CUBN: variants seen among roughly 807,000 people sequenced by gnomAD.
CUBN encodes cubilin.
CUBN carries 282 observed loss-of-function variants against 405.3 expected under a neutral mutation model. The ratio of observed to expected loss-of-function variants is 0.70; its 90% CI spans 0.63 to 0.77. The LOEUF is 0.77. Among genes scored for constraint, CUBN ranks in the 30% least tolerant of loss-of-function variants. CUBN has a pLI of 0.00. For missense variants in CUBN, 4,514 were observed against 4,475.2 expected (o/e 1.01, Z -0.25); for synonymous variants, 1,684 against 1,617.0 (o/e 1.04, Z -0.99).
intron 54 of CUBN, among the ~76,000 whole-genome samples, chr10:16,892,510 T>C (rs532068266): frequency 2.0e-5 from 3 of 152,178 alleles, no homozygotes; most frequent in African/African-American, 7.2e-5. Context: ...ATATGTATTT[T>C]TTTGAGACAG....
Position 16,907,654 on chromosome 10 carries a change from G to A in CUBN, c.7559C>T (p.Ser2520Leu), listed in dbSNP as rs2131438965. The A allele has an allele frequency of 2.5e-6, 4 of 1,612,350 alleles. No homozygotes were observed. The highest frequency in any genetic ancestry group is 3.4e-6 in the Non-Finnish European group (4 of 1,179,942). ...VIVFNGIRSNSPQLEKLCSSV... is the reference protein window; with the variant it reads ...VIVFNGIRSNLPQLEKLCSSV... Reference sequence around the variant, plus strand: ...ACTACACAGTTTCTCTAGCTGGGGTGAGTTACTTCTAATGCCATTGAATAC... The same window carrying A: ...ACTACACAGTTTCTCTAGCTGGGGTAAGTTACTTCTAATGCCATTGAATAC... Residue 2520 changes from serine (S) to leucine (L), a missense_variant, in exon 49 of 67, where the codon TCA becomes TTA. By Grantham distance (145) the Ser-to-Leu change is moderately radical (BLOSUM62 -2). Around this residue, in one of 5 missense-constraint regions of CUBN, gnomAD observed 1,613 missense variants for 1,542.8 expected, o/e 1.05. Coordinates refer to ENST00000377833, the MANE Select transcript of CUBN (RefSeq NM_001081.4).
chr10:16,846,647 A>C (rs1839516411), intron 60 of CUBN, among the ~76,000 whole-genome samples: 1 of 152,060 alleles, frequency 6.6e-6, no homozygotes. Context: ...CCCCGTCTCT[A>C]CTAAAAATAC....
In CUBN at chr10:17,114,115, G is replaced by A. The variant is rs777864127; in HGVS notation, c.795C>T (p.Asp265=). ...PNSPACTLDR[D]ECSFQPGPCS... ...AAGGCCCGGGCTGGAAGCTGCACTC[G>A]TCTCTGTCCAGCGTGCAGGCAGGGC... The change falls in exon 8 of 67, where the codon GAC becomes GAT. Residue 265 remains aspartate, a synonymous_variant. Coordinates refer to ENST00000377833, the MANE Select transcript of CUBN (RefSeq NM_001081.4). 12 of 1,613,434 alleles carry A rather than the reference G, an allele frequency of 7.4e-6. No homozygotes were observed. The highest frequency in any genetic ancestry group is 4.0e-5 in the African/African-American group (3 of 74,906).
chr10:16,841,451 G>C (rs370536230), intron 60 of CUBN, among the ~76,000 whole-genome samples: 9 of 152,104 alleles, frequency 5.9e-5, no homozygotes, highest in African/African-American at 2.2e-4. Flanking sequence ...AAATGTCATC[G>C]AGAGGATACT....
intron 31 of CUBN, among the ~76,000 whole-genome samples, chr10:16,964,983 T>C (rs1406792644): frequency 2.0e-5 from 3 of 152,220 alleles, no homozygotes; most frequent in Non-Finnish European, 4.4e-5. Context: ...GTCCCTCTCA[T>C]TTCTCCCTTA....
At chr10:16,839,839 G>A (rs142675726) in intron 62 of CUBN, among the ~76,000 whole-genome samples, 2,225 of 152,010 alleles carry the variant, frequency 0.015, 60 homozygotes, top group African/African-American at 0.05. Flanking sequence ...ATGATAGACC[G>A]GATTAAGAAA....
intron 28 of CUBN, among the ~76,000 whole-genome samples, chr10:17,006,134 T>C (rs1049341100): frequency 3.3e-5 from 5 of 152,170 alleles, no homozygotes; most frequent in Non-Finnish European, 5.9e-5. Context: ...TCCCAATCTG[T>C]GGCATTTTTG....
chr10:16,967,920 A>G (rs1843446598), intron 31 of CUBN, among the ~76,000 whole-genome samples: 1 of 147,198 alleles, frequency 6.8e-6, no homozygotes, highest in African/African-American at 2.5e-5. Flanking sequence ...GGAAAGAGGA[A>G]GAGAGGGAGA....
intron 28 of CUBN, among the ~76,000 whole-genome samples, chr10:17,002,111 T>A (rs1372659467): frequency 6.6e-6 from 1 of 152,172 alleles, no homozygotes; most frequent in Non-Finnish European, 1.5e-5. Flanking sequence ...AACATTTAAG[T>A]CAATGGTCGA....
chr10:17,061,247 T>C (rs1477374753), intron 22 of CUBN, among the ~76,000 whole-genome samples: 3 of 152,180 alleles, frequency 2.0e-5, no homozygotes, highest in Admixed American at 6.5e-5. Flanking sequence ...GTATCTCCCT[T>C]GTAATTCTAC....
At chr10:17,100,310 T>G (rs189265845) in intron 13 of CUBN, 71 bp from the exon 14 acceptor site, 2 of 1,039,160 alleles carry the variant, frequency 1.9e-6, no homozygotes, top group African/African-American at 3.2e-5. Context: ...TCCCACTTCC[T>G]AGGCAGCATT....
intron 27 of CUBN, chr10:17,023,636 T>C (rs1834568554): frequency 4.4e-6 from 2 of 455,816 alleles, no homozygotes; most frequent in South Asian, 1.5e-5. Context: ...CTGTGACTCA[T>C]TGCAACTACT....
Position 17,115,532 on chromosome 10 carries a change from C to T in CUBN, c.659G>A (p.Gly220Asp). ...GCCATGGACACAGCGTGCCACAGAA[C>T]CCCCTTCACAGTCGTCATATTTGGA... ...CASKYDDCEGGSVARCVHGIC... is the reference protein window; with the variant it reads ...CASKYDDCEGDSVARCVHGIC... Residue 220 changes from glycine to aspartate, a missense_variant, in exon 7 of 67, where the codon GGT (glycine) becomes GAT (aspartate). Physicochemically the swap from Gly to Asp is moderately conservative, Grantham distance 94. This residue lies in a region of CUBN where 1,448 missense variants were observed against 1,388.0 expected (regional missense o/e 1.04). Coordinates refer to ENST00000377833, the MANE Select transcript of CUBN (RefSeq NM_001081.4). 2 of 1,614,172 alleles carry T rather than the reference C, an allele frequency of 1.2e-6. No individual in the cohort carries two copies. The highest frequency in any genetic ancestry group is 1.7e-6 in the Non-Finnish European group (2 of 1,180,018).
intron 37 of CUBN, 89 bp from the exon 38 acceptor site, chr10:16,939,236 A>C: frequency 9.7e-7 from 1 of 1,028,460 alleles, no homozygotes; most frequent in Non-Finnish European, 1.5e-6. Context: ...GGTGTTGAAA[A>C]GGATGGACTT....
intron 22 of CUBN, among the ~76,000 whole-genome samples, chr10:17,064,468 G>C (rs11254353): frequency 0.043 from 6,596 of 152,196 alleles, 467 homozygotes; most frequent in African/African-American, 0.15. Flanking sequence ...CATAGGAAAA[G>C]CTACCAGTTC....
intron 63 of CUBN, among the ~76,000 whole-genome samples, chr10:16,835,629 T>TA (rs1025253805): frequency 2.0e-4 from 30 of 146,966 alleles, no homozygotes; most frequent in African/African-American, 2.7e-4. Context: ...TTTTTTTTGG[T>TA]AAAAAAATAC....
Position 16,877,036 on chromosome 10 carries a change from G to C in CUBN, c.8967C>G (p.Ser2989Arg). Reference protein sequence around the residue: ...NDGVHIIRGYSVMSTPFATVC... With the variant: ...NDGVHIIRGYRVMSTPFATVC... ...CAGTAGCAAATGGGGTGGACATGAC[G>C]CTGTAACCTCTGATAATGTGCACGC... Residue 2989 changes from serine (S) to arginine (R), a missense_variant, in exon 57 of 67, where the codon AGC (serine) becomes AGG (arginine). Ser to Arg is a moderately radical substitution (Grantham distance 110). Transcript: ENST00000377833. 6.2e-7 allele frequency: 1 copy of C among 1,614,110 alleles called. No homozygotes were observed. Among genetic ancestry groups the C allele is most frequent in the Middle Eastern group, 1.6e-4 (1 of 6,062 alleles).
intron 54 of CUBN, among the ~76,000 whole-genome samples, chr10:16,894,074 C>G (rs1841111304): frequency 6.6e-6 from 1 of 152,102 alleles, no homozygotes; most frequent in Non-Finnish European, 1.5e-5. Context: ...TCTAATAGAA[C>G]TGTTTGTATT....
chr10:16,963,935 T>A (rs553083240), intron 31 of CUBN, among the ~76,000 whole-genome samples: 269 of 152,314 alleles, frequency 1.8e-3, no homozygotes, highest in African/African-American at 6.4e-3. Context: ...ACCAGAAATC[T>A]CATTAGCAGT....
Sources: allele counts gnomAD v4.1 joint callset (sites outside exome capture counted in the v4.1 genomes callset), GRCh38; gene constraint gnomAD v4.1.1; regional missense constraint gnomAD v4.1.1; transcripts MANE v1.5; gene names NCBI Gene and HGNC (gene_info 2026-07-23, HGNC 2026-07-21).